MYOCD: variants seen among roughly 807,000 people sequenced by gnomAD.
The protein encoded by MYOCD is myocardin.
A neutral mutation model predicts 96.1 loss-of-function variants in MYOCD; 32 were observed. The observed-to-expected ratio is 0.33, with a 90% confidence interval of 0.25 to 0.45. The LOEUF (loss-of-function observed/expected upper bound fraction) is 0.45, where lower values mean the gene tolerates loss of function less well. Ranked by LOEUF, MYOCD falls within the 20% of genes least tolerant of loss-of-function variation. The pLI, the probability that MYOCD is intolerant of heterozygous loss-of-function variation, is 1.00. For missense variants in MYOCD, 1,133 were observed against 1,200.6 expected (o/e 0.94, Z 0.83); for synonymous variants, 469 against 469.0 (o/e 1.00, Z 0.00).
intron 9 of MYOCD, among the ~76,000 whole-genome samples, chr17:12,751,051 T>G (rs2032840003): frequency 6.6e-6 from 1 of 152,114 alleles, no homozygotes; most frequent in South Asian, 2.1e-4. Flanking sequence ...AAATTTTGTT[T>G]TCAATATTTT....
rs565864521 is a variant in MYOCD at position 12,685,342 on chromosome 17, C to G, written c.55+19099C>G. 2.9e-4 allele frequency among the ~76,000 whole-genome samples: 44 copies of G among 149,862 alleles called. No individual in the cohort carries two copies. The South Asian group carries it at 9.4e-3, about 32-fold the overall frequency. ...CAGAGGGGCTGGGCACAGTGGCTCA[C>G]GCCTGTAATCCCAGCAATTTGGGAG... On this transcript the variant is annotated intron_variant, in intron 1 of 13. Coordinates refer to ENST00000425538, the MANE Select transcript of MYOCD (RefSeq NM_001146312.3).
chr17:12,741,446 G>A (rs982218342), intron 7 of MYOCD, among the ~76,000 whole-genome samples: 2 of 152,134 alleles, frequency 1.3e-5, no homozygotes, highest in East Asian at 1.9e-4. Context: ...GGTGGCTCAC[G>A]CCTGTAATCC....
chr17:12,717,485 T>G, intron 4 of MYOCD, 64 bp downstream of exon 4: 1 of 1,327,396 alleles, frequency 7.5e-7, no homozygotes, highest in African/African-American at 1.4e-5. Flanking sequence ...TTCCCAGAGT[T>G]ACTTGTCTCT....
At chr17:12,674,819 C>A (rs139431602) in intron 1 of MYOCD, among the ~76,000 whole-genome samples, 273 of 152,202 alleles carry the variant, frequency 1.8e-3, no homozygotes, top group African/African-American at 6.2e-3. Context: ...GATTAAAGAG[C>A]TAAGGAAACC....
chr17:12,681,421 G>A (rs144495682), intron 1 of MYOCD, among the ~76,000 whole-genome samples: 112 of 152,266 alleles, frequency 7.4e-4, no homozygotes, highest in African/African-American at 2.6e-3. Context: ...CAAATGTTTT[G>A]ACAAACTGAG....
chr17:12,700,159 T>C lies in MYOCD; in HGVS notation c.56-4969T>C, dbSNP rs1284770624. On this transcript the variant is annotated intron_variant, in intron 1 of 13. Transcript: ENST00000425538. ...CTCCTGACCTCGTGATCCACTCACC[T>C]TGGCCTCCCAAAATGCTGGGATTAC... 2.0e-5 allele frequency among the ~76,000 whole-genome samples: 3 copies of C among 152,132 alleles called. No individual in the cohort carries two copies. The East Asian group carries it at 5.8e-4, about 30-fold the overall frequency.
chr17:12,761,004 T>G, intron 13 of MYOCD: 1 of 228,612 alleles, frequency 4.4e-6, no homozygotes, highest in East Asian at 7.3e-5. Flanking sequence ...CACTTCTTCT[T>G]TCTATGTTCT....
At chr17:12,748,026 G>A (rs1396720298) in intron 9 of MYOCD, among the ~76,000 whole-genome samples, 2 of 151,756 alleles carry the variant, frequency 1.3e-5, no homozygotes, top group African/African-American at 4.8e-5. Context: ...AGCTGGGCGT[G>A]GTGGTGCACG....
In MYOCD at chr17:12,760,467, C is replaced by T. The variant is rs147974591; in HGVS notation, c.2332-183C>T. The stretch of plus-strand genomic sequence containing the variant: ...CAATTGTGTGAATGTACTTAATGCC[C>T]CTTAACTGTACACTTAAAAATGGTT... On this transcript the variant is annotated intron_variant, in intron 12 of 13. Transcript: ENST00000425538. 150 of 590,190 alleles carry T rather than the reference C, an allele frequency of 2.5e-4. 1 individual carries two copies. The highest frequency in any genetic ancestry group is 2.3e-3 in the African/African-American group (126 of 53,772). 36.6% of individuals were successfully genotyped at this position (590,190 alleles called of 1,614,324 possible). A position where few individuals can be genotyped will look rare whatever the true frequency, so the allele number is the denominator to read the frequency against.
At chr17:12,686,712 A>G (rs2150648846) in intron 1 of MYOCD, among the ~76,000 whole-genome samples, 1 of 152,310 alleles carries the variant, frequency 6.6e-6, no homozygotes, top group South Asian at 2.1e-4. Context: ...GGCAGGGTAC[A>G]GAAGAGTCTA....
At chr17:12,714,419 A>T (rs1016778806) in intron 2 of MYOCD, among the ~76,000 whole-genome samples, 1 of 151,252 alleles carries the variant, frequency 6.6e-6, no homozygotes, top group Non-Finnish European at 1.5e-5. Flanking sequence ...AGAATATTTC[A>T]TCACCTGCAG....
intron 5 of MYOCD, 111 bp downstream of exon 5, chr17:12,723,119 G>C (rs1439654069): frequency 9.8e-7 from 1 of 1,018,184 alleles, no homozygotes; most frequent in South Asian, 1.7e-5. Flanking sequence ...CCAGATAAGA[G>C]CCATACCATG....
intron 10 of MYOCD, among the ~76,000 whole-genome samples, 171 bp from the exon 11 acceptor site, chr17:12,756,243 T>TA (rs2033008303): frequency 6.6e-6 from 1 of 152,120 alleles, no homozygotes; most frequent in African/African-American, 2.4e-5. Context: ...TTCTGAGCAG[T>TA]AGGTGATGTC....
At chr17:12,723,574 A>T (rs1012330296) in intron 5 of MYOCD, among the ~76,000 whole-genome samples, 1 of 152,242 alleles carries the variant, frequency 6.6e-6, no homozygotes, top group African/African-American at 2.4e-5. Context: ...AAAAGGAGAC[A>T]CAAATACTGA....
At position 12,753,370 on chromosome 17, in the gene MYOCD, T is replaced by A. The variant is rs201840932; in HGVS notation, c.2058+24T>A. 3.6e-5 allele frequency: 55 copies of A among 1,518,948 alleles called. 1 individual carries two copies. Among genetic ancestry groups the A allele is most frequent in the Admixed American group, 3.6e-4 (16 of 45,008 alleles). 94.1% of individuals were successfully genotyped at this position (1,518,948 alleles called of 1,614,324 possible). A position where few individuals can be genotyped will look rare whatever the true frequency, so the allele number is the denominator to read the frequency against. ...AGGTAAGAGCACCTTGCGCCATGCC[T>A]GGTGCACACTTCTTTCTGGAAGTGG... is the stretch of plus-strand genomic sequence containing the variant. On this transcript the variant is annotated intron_variant, in intron 10 of 13. Coordinates refer to ENST00000425538, the MANE Select transcript of MYOCD (RefSeq NM_001146312.3).
chr17:12,678,099 G>T (rs1910202376), intron 1 of MYOCD, among the ~76,000 whole-genome samples: 1 of 151,526 alleles, frequency 6.6e-6, no homozygotes, highest in Non-Finnish European at 1.5e-5. Flanking sequence ...CACCATGTTG[G>T]CCTGGATGGT....
chr17:12,705,656 A>G (rs572600823), intron 2 of MYOCD: 2 of 152,964 alleles, frequency 1.3e-5, no homozygotes, highest in East Asian at 3.9e-4. Flanking sequence ...TAAATGATAT[A>G]ATGTTGAATT....
chr17:12,680,290 A>G (rs530191426), intron 1 of MYOCD, among the ~76,000 whole-genome samples: 1 of 152,330 alleles, frequency 6.6e-6, no homozygotes, highest in South Asian at 2.1e-4. Flanking sequence ...GTAATTTATT[A>G]GGGATAAAGG....
intron 10 of MYOCD, among the ~76,000 whole-genome samples, chr17:12,755,644 C>T (rs1182957463): frequency 2.6e-5 from 4 of 151,688 alleles, no homozygotes; most frequent in East Asian, 1.9e-4. Flanking sequence ...GAGGCTGAGG[C>T]GGGTGGATCA....
Sources: allele counts gnomAD v4.1 joint callset (sites outside exome capture counted in the v4.1 genomes callset), GRCh38; gene constraint gnomAD v4.1.1; transcripts MANE v1.5; gene names NCBI Gene and HGNC (gene_info 2026-07-23, HGNC 2026-07-21).